ZMAT4: variants seen among roughly 807,000 people sequenced by gnomAD.
ZMAT4 encodes the protein zinc finger matrin-type protein 4.
A neutral mutation model predicts 28.7 loss-of-function variants in ZMAT4; 17 were observed. That is an observed-to-expected ratio of 0.59 (90% CI 0.41 to 0.89). The LOEUF is 0.89. Ranked by LOEUF, ZMAT4 falls within the 40% of genes least tolerant of loss-of-function variation. The pLI is 0.00. For missense variants in ZMAT4, 240 were observed against 283.8 expected, an observed-to-expected ratio of 0.85 and a Z score of 1.11; for synonymous variants, 117 against 109.2, an observed-to-expected ratio of 1.07 and a Z score of -0.44.
chr8:40,792,829 A>G (rs1814420025), intron 2 of ZMAT4, among the ~76,000 whole-genome samples: 3 of 151,272 alleles, frequency 2.0e-5, no homozygotes, highest in Admixed American at 6.6e-5. Flanking sequence ...AATGCATATT[A>G]CTAAGTACTA....
At chr8:40,717,539 T>C (rs1810909548) in intron 3 of ZMAT4, among the ~76,000 whole-genome samples, 1 of 152,070 alleles carries the variant, frequency 6.6e-6, no homozygotes, top group Non-Finnish European at 1.5e-5. Flanking sequence ...TGCATGCCTC[T>C]AGTCCCAGCT....
chr8:40,593,088 A>G (rs1343682469), intron 5 of ZMAT4, among the ~76,000 whole-genome samples: 1 of 152,240 alleles, frequency 6.6e-6, no homozygotes, highest in Admixed American at 6.5e-5. Context: ...GATGCAAATG[A>G]AAATTCATAG....
At chr8:40,634,522 T>C (rs2118737750) in intron 5 of ZMAT4, among the ~76,000 whole-genome samples, 1 of 152,360 alleles carries the variant, frequency 6.6e-6, no homozygotes, top group African/African-American at 2.4e-5. Context: ...TTCCACATCC[T>C]TTATTTCACC....
At chr8:40,635,028 G>A (rs1585790967) in intron 5 of ZMAT4, among the ~76,000 whole-genome samples, 2 of 152,122 alleles carry the variant, frequency 1.3e-5, no homozygotes, top group Non-Finnish European at 2.9e-5. Flanking sequence ...TTTAGGTGAT[G>A]AGAGATCTTT....
chr8:40,895,302 G>C (rs1279478848), intron 1 of ZMAT4, among the ~76,000 whole-genome samples: 1 of 152,168 alleles, frequency 6.6e-6, no homozygotes, highest in Non-Finnish European at 1.5e-5. Flanking sequence ...ATCGGTCCTT[G>C]CATACACAAA....
rs771963168 is a variant in ZMAT4 at position 40,581,162 on chromosome 8, T to C, written c.674+3A>G. ...TGAAGAGTGAAAGCACAAAAGTACCTACTTGGTCTGGTGTTTAGATCCTTT... is the reference window on the plus strand; with the variant it reads ...TGAAGAGTGAAAGCACAAAAGTACCCACTTGGTCTGGTGTTTAGATCCTTT... On this transcript the variant is annotated splice_donor_region_variant and intron_variant, in intron 6 of 6. Coordinates refer to ENST00000297737, the MANE Select transcript of ZMAT4 (RefSeq NM_024645.3). The C allele has an allele frequency of 1.2e-6, 2 of 1,612,002 alleles. No homozygotes were observed. Among genetic ancestry groups the C allele is most frequent in the Non-Finnish European group, 1.7e-6 (2 of 1,178,528 alleles).
At chr8:40,810,940 A>T (rs988786803) in intron 2 of ZMAT4, among the ~76,000 whole-genome samples, 6 of 152,194 alleles carry the variant, frequency 3.9e-5, no homozygotes, top group Non-Finnish European at 5.9e-5. Flanking sequence ...CTTTATAATA[A>T]TTAAGAAAAT....
At chr8:40,626,432 A>C (rs1040638963) in intron 5 of ZMAT4, among the ~76,000 whole-genome samples, 1 of 152,348 alleles carries the variant, frequency 6.6e-6, no homozygotes, top group East Asian at 1.9e-4. Flanking sequence ...TTTAGACCTC[A>C]TGCTTAAAGG....
intron 5 of ZMAT4, among the ~76,000 whole-genome samples, chr8:40,589,764 T>C (rs981258093): frequency 8.1e-5 from 11 of 135,916 alleles, no homozygotes; most frequent in African/African-American, 2.3e-4. Context: ...TTCTTTCTTT[T>C]TCTTTCTTTC....
At chr8:40,546,282 C>G (rs959680210) in intron 6 of ZMAT4, among the ~76,000 whole-genome samples, 11 of 147,912 alleles carry the variant, frequency 7.4e-5, no homozygotes, top group African/African-American at 1.5e-4. Context: ...AAAGAAACCA[C>G]AGGGTGAATC....
intron 5 of ZMAT4, among the ~76,000 whole-genome samples, chr8:40,612,828 T>TTTG (rs1805848307): frequency 1.2e-5 from 1 of 83,682 alleles, no homozygotes; most frequent in Non-Finnish European, 3.3e-5. Context: ...TTTTTTTTTT[T>TTTG]TGAGACGAAG....
At chr8:40,787,046 T>A (rs182470737) in intron 2 of ZMAT4, among the ~76,000 whole-genome samples, 69 of 152,326 alleles carry the variant, frequency 4.5e-4, no homozygotes, top group South Asian at 2.1e-3. Context: ...ATATGTTTCC[T>A]TAACTGTAAA....
intron 1 of ZMAT4, among the ~76,000 whole-genome samples, chr8:40,856,643 T>C (rs768599963): frequency 5.3e-5 from 8 of 152,196 alleles, no homozygotes; most frequent in Non-Finnish European, 5.9e-5. Context: ...GAAGGATGAA[T>C]CCTGGAGCAT....
At chr8:40,702,091 C>T (rs891324828) in intron 3 of ZMAT4, among the ~76,000 whole-genome samples, 14 of 152,140 alleles carry the variant, frequency 9.2e-5, no homozygotes, top group Non-Finnish European at 1.9e-4. Context: ...GTGTGATGCC[C>T]TCCACCATGT....
intron 1 of ZMAT4, among the ~76,000 whole-genome samples, chr8:40,841,441 G>T (rs1004634050): frequency 3.9e-5 from 6 of 152,156 alleles, no homozygotes; most frequent in Non-Finnish European, 8.8e-5. Context: ...CTTGTTAAAT[G>T]CTAGACTGTG....
At chr8:40,664,630 C>T (rs1037967371) in intron 5 of ZMAT4, among the ~76,000 whole-genome samples, 1 of 152,120 alleles carries the variant, frequency 6.6e-6, no homozygotes, top group Non-Finnish European at 1.5e-5. Context: ...GTCTCTGTTA[C>T]AATATTATGA....
At chr8:40,668,106 G>T (rs186977140) in intron 5 of ZMAT4, among the ~76,000 whole-genome samples, 399 of 152,198 alleles carry the variant, frequency 2.6e-3, no homozygotes, top group Non-Finnish European at 4.2e-3. Flanking sequence ...GCAAGGGAAG[G>T]TTCGATAATA....
chr8:40,807,593 TG>T (rs576002065), intron 2 of ZMAT4, among the ~76,000 whole-genome samples: 374 of 152,320 alleles, frequency 2.5e-3, no homozygotes, highest in African/African-American at 8.5e-3. Flanking sequence ...AAACAGACTA[TG>T]TACCTCTCTG....
intron 4 of ZMAT4, among the ~76,000 whole-genome samples, chr8:40,683,528 G>C (rs1225191145): frequency 6.6e-6 from 1 of 152,172 alleles, no homozygotes; most frequent in Non-Finnish European, 1.5e-5. Flanking sequence ...GCTTAAGGTA[G>C]CTCACAGTTT....
Sources: gnomAD v4.1 joint callset for allele counts (sites outside exome capture counted in the v4.1 genomes callset) on GRCh38, gnomAD v4.1.1 for gene constraint, MANE v1.5 for transcripts, NCBI Gene and HGNC (gene_info 2026-07-23, HGNC 2026-07-21) for gene names.